The following CNNM2 variants were observed in gnomAD, a reference collection of about 807,000 sequenced individuals.
CNNM2 encodes metal transporter CNNM2.
CNNM2 carries 12 observed loss-of-function variants against 66.9 expected under a neutral mutation model. The ratio of observed to expected loss-of-function variants is 0.18; its 90% CI spans 0.11 to 0.29. CNNM2 has a LOEUF of 0.29. CNNM2 is among the 10% of genes least tolerant of loss of function. The pLI, the probability that CNNM2 is intolerant of heterozygous loss-of-function variation, is 1.00. For missense variants in CNNM2, 705 were observed against 1,167.7 expected (o/e 0.60, Z 5.77); for synonymous variants, 557 against 501.8 (o/e 1.11, Z -1.47).
chr10:103,006,968 T>G (rs928064861), intron 1 of CNNM2, among the ~76,000 whole-genome samples: 4 of 152,200 alleles, frequency 2.6e-5, no homozygotes, highest in Non-Finnish European at 5.9e-5. Context: ...CCTTAAGTTC[T>G]ATAACCCAAT....
At chr10:103,002,698 C>T (rs960542786) in intron 1 of CNNM2, among the ~76,000 whole-genome samples, 5 of 152,046 alleles carry the variant, frequency 3.3e-5, no homozygotes, top group African/African-American at 1.2e-4. Context: ...AGACTTGTTT[C>T]GAACTCCCAG....
intron 1 of CNNM2, among the ~76,000 whole-genome samples, chr10:102,926,892 T>C (rs2134161415): frequency 6.6e-6 from 1 of 152,084 alleles, no homozygotes; most frequent in African/African-American, 2.4e-5. Context: ...ATTTTTTTTG[T>C]ATTTTTAGTA....
At chr10:102,937,467 C>T (rs1846278830) in intron 1 of CNNM2, among the ~76,000 whole-genome samples, 2 of 152,098 alleles carry the variant, frequency 1.3e-5, no homozygotes. Flanking sequence ...TATTTGGGGA[C>T]ATGATGGTTT....
intron 1 of CNNM2, among the ~76,000 whole-genome samples, chr10:102,984,869 A>T (rs1373822918): frequency 6.6e-6 from 1 of 151,718 alleles, no homozygotes; most frequent in Non-Finnish European, 1.5e-5. Context: ...CTGGTCTCTA[A>T]CTCCTGACCT....
At position 103,077,136 on chromosome 10, in the gene CNNM2, C is replaced by T; in HGVS notation, c.2584C>T (p.His862Tyr). Residue 862 changes from histidine to tyrosine, a missense_variant, in exon 8 of 8, where the codon CAC becomes TAC. By Grantham distance (83) the His-to-Tyr change is moderately conservative. Coordinates refer to ENST00000369878, the MANE Select transcript of CNNM2 (RefSeq NM_017649.5). The stretch of plus-strand genomic sequence containing the variant: ...GCTCAACGAACAGAACTGTGTGACG[C>T]ACAGTAAGGCCAACCACAGCCTGCA... ...NLLNEQNCVT[H>Y]SKANHSLHNE... The T allele has an allele frequency of 6.2e-7, 1 of 1,613,828 alleles. No homozygotes were observed. Among genetic ancestry groups the T allele is most frequent in the Non-Finnish European group, 8.5e-7 (1 of 1,179,882 alleles).
At position 103,062,397 on chromosome 10, in the gene CNNM2, G is replaced by C. The variant is rs891578140; in HGVS notation, c.2073+5433G>C. Among the ~76,000 whole-genome samples the C allele has an allele frequency of 2.0e-5, 3 of 152,074 alleles. No individual in the cohort carries two copies. In the South Asian group the frequency reaches 6.2e-4, roughly 32 times the overall value. ...CTCCTCATGGGTTTTTAAGTTGCAC[G>C]GTCTGTGTACCCTAGTGCAGTAACG... On this transcript the variant is annotated intron_variant, in intron 4 of 7. Transcript: ENST00000369878.
chr10:102,966,147 G>A (rs1247296041), intron 1 of CNNM2, among the ~76,000 whole-genome samples: 3 of 152,158 alleles, frequency 2.0e-5, no homozygotes, highest in Non-Finnish European at 4.4e-5. Context: ...AGCATTGAAC[G>A]TGATTTCTGT....
Position 103,088,787 on chromosome 10 carries a change from A to G in CNNM2, c.*11607A>G, listed in dbSNP as rs1434463051. 5.4e-6 allele frequency: 1 copy of G among 183,886 alleles called. No individual in the cohort carries two copies. The highest frequency in any genetic ancestry group is 2.3e-5 in the African/African-American group (1 of 42,560). 11.4% of individuals were successfully genotyped at this position (183,886 alleles called of 1,614,324 possible). The stretch of plus-strand genomic sequence containing the variant: ...CCCTCTTCCCATCCTCTGATGTTCA[A>G]TTTTAATATACAGCAATCAACTCTT... On this transcript the variant is annotated 3_prime_UTR_variant, in exon 8 of 8. Coordinates refer to ENST00000369878, the MANE Select transcript of CNNM2 (RefSeq NM_017649.5).
intron 1 of CNNM2, among the ~76,000 whole-genome samples, chr10:103,036,949 C>T (rs1362332687): frequency 6.6e-6 from 1 of 152,030 alleles, no homozygotes; most frequent in Non-Finnish European, 1.5e-5. Context: ...TACTGTGGCT[C>T]TGTCAATGCT....
chr10:103,052,631 A>G (rs2134335169), intron 2 of CNNM2, among the ~76,000 whole-genome samples: 1 of 151,736 alleles, frequency 6.6e-6, no homozygotes, highest in South Asian at 2.1e-4. Context: ...CTCCTGCCTC[A>G]GCCTCCTGAG....
At chr10:103,072,760 A>G (rs937368238) in intron 6 of CNNM2, among the ~76,000 whole-genome samples, 1 of 152,262 alleles carries the variant, frequency 6.6e-6, no homozygotes, top group African/African-American at 2.4e-5. Flanking sequence ...CATAATTACT[A>G]TCATAAAACT....
chr10:103,044,545 G>A (rs2065097247), intron 1 of CNNM2, among the ~76,000 whole-genome samples: 2 of 133,330 alleles, frequency 1.5e-5, no homozygotes, highest in African/African-American at 2.8e-5. Context: ...GTGAGACCCT[G>A]TCTCAGAAAA....
At position 103,081,707 on chromosome 10, in the gene CNNM2, C is replaced by T. The variant is rs371641092; in HGVS notation, c.*4527C>T. ...GTAGGCCTTCCTCCTCTAGCACTTGCAAGCTTTCTGTCTGCGATCACGGTT... is the reference window on the plus strand; with the variant it reads ...GTAGGCCTTCCTCCTCTAGCACTTGTAAGCTTTCTGTCTGCGATCACGGTT... On this transcript the variant is annotated 3_prime_UTR_variant, in exon 8 of 8. Coordinates refer to ENST00000369878, the MANE Select transcript of CNNM2 (RefSeq NM_017649.5). The T allele has an allele frequency of 2.5e-4, 38 of 152,348 alleles. No individual in the cohort carries two copies. Among genetic ancestry groups the T allele is most frequent in the African/African-American group, 7.5e-4 (31 of 41,568 alleles). 9.4% of individuals were successfully genotyped at this position (152,348 alleles called of 1,614,324 possible). A position where few individuals can be genotyped will look rare whatever the true frequency, so the allele number is the denominator to read the frequency against.
intron 1 of CNNM2, among the ~76,000 whole-genome samples, chr10:103,039,615 G>C (rs887426653): frequency 3.3e-5 from 5 of 152,178 alleles, no homozygotes; most frequent in African/African-American, 1.2e-4. Context: ...GAAATGACTT[G>C]TCTAAAATAC....
chr10:103,057,045 T>C (rs1305131868), intron 4 of CNNM2, 81 bp downstream of exon 4: 1 of 1,399,476 alleles, frequency 7.1e-7, no homozygotes, highest in Non-Finnish European at 9.8e-7. Flanking sequence ...GGTGTCACCG[T>C]GTACATACTG....
At chr10:102,964,553 G>A (rs1340464550) in intron 1 of CNNM2, among the ~76,000 whole-genome samples, 1 of 152,116 alleles carries the variant, frequency 6.6e-6, no homozygotes, top group African/African-American at 2.4e-5. Flanking sequence ...GGCAAATTGG[G>A]AGCCTAGTCT....
chr10:103,010,222 T>A (rs2064314896), intron 1 of CNNM2, among the ~76,000 whole-genome samples: 1 of 152,096 alleles, frequency 6.6e-6, no homozygotes, highest in African/African-American at 2.4e-5. Context: ...ATATATAATA[T>A]GACCATCTTT....
chr10:102,995,833 C>T (rs923847071), intron 1 of CNNM2, among the ~76,000 whole-genome samples: 6 of 151,730 alleles, frequency 4.0e-5, no homozygotes, highest in Admixed American at 6.6e-5. Flanking sequence ...CCCGAGTAGC[C>T]GGGAGTACAG....
intron 1 of CNNM2, among the ~76,000 whole-genome samples, chr10:103,012,914 T>C (rs1183104126): frequency 6.6e-6 from 1 of 152,190 alleles, no homozygotes; most frequent in Non-Finnish European, 1.5e-5. Context: ...TCCTTCTCTT[T>C]CCTTTTCCTA....
Sources: gnomAD v4.1 joint callset for allele counts (sites outside exome capture counted in the v4.1 genomes callset) on GRCh38, gnomAD v4.1.1 for gene constraint, MANE v1.5 for transcripts, NCBI Gene and HGNC (gene_info 2026-07-23, HGNC 2026-07-21) for gene names.